Variants in LHFPL3 observed in about 807,000 individuals in gnomAD.
LHFPL3 encodes the protein LHFPL tetraspan subfamily member 3 protein.
LHFPL3 carries 5 observed loss-of-function variants against 19.3 expected under a neutral mutation model. The ratio of observed to expected loss-of-function variants is 0.26; its 90% CI spans 0.14 to 0.54. LHFPL3 has a LOEUF of 0.54. Ranked by LOEUF, LHFPL3 falls within the 20% of genes least tolerant of loss-of-function variation. The pLI, the probability that LHFPL3 is intolerant of heterozygous loss-of-function variation, is 0.94. For missense variants in LHFPL3, 249 were observed against 307.4 expected, an observed-to-expected ratio of 0.81 and a Z score of 1.42; for synonymous variants, 133 against 126.2, an observed-to-expected ratio of 1.05 and a Z score of -0.36.
intron 1 of LHFPL3, among the ~76,000 whole-genome samples, chr7:104,508,219 A>G (rs1367596647): frequency 6.6e-6 from 1 of 152,138 alleles, no homozygotes; most frequent in South Asian, 2.1e-4. Flanking sequence ...CAAATGTCCA[A>G]CAATGATAGA....
intron 1 of LHFPL3, among the ~76,000 whole-genome samples, chr7:104,518,605 G>A (rs944619913): frequency 6.6e-5 from 10 of 152,102 alleles, no homozygotes; most frequent in South Asian, 2.1e-4. Context: ...CCAACATGGC[G>A]AAACCCTGTC....
intron 2 of LHFPL3, among the ~76,000 whole-genome samples, chr7:104,810,580 G>T (rs1048047006): frequency 6.6e-6 from 1 of 152,174 alleles, no homozygotes; most frequent in African/African-American, 2.4e-5. Flanking sequence ...CGGGGATGTG[G>T]AGGGAAGTCA....
intron 2 of LHFPL3, among the ~76,000 whole-genome samples, chr7:104,858,433 A>G (rs1165499778): frequency 6.6e-6 from 1 of 152,048 alleles, no homozygotes; most frequent in African/African-American, 2.4e-5. Context: ...CTGGAGAAAG[A>G]CCCCAAACAT....
At chr7:104,662,705 G>A (rs984635547) in intron 1 of LHFPL3, among the ~76,000 whole-genome samples, 6 of 152,210 alleles carry the variant, frequency 3.9e-5, no homozygotes, top group Non-Finnish European at 5.9e-5. Flanking sequence ...TTTGGAGGTA[G>A]TTACTGTTGA....
At chr7:104,609,481 CT>C (rs1471535110) in intron 1 of LHFPL3, among the ~76,000 whole-genome samples, 9 of 152,120 alleles carry the variant, frequency 5.9e-5, no homozygotes, top group Admixed American at 4.6e-4. Flanking sequence ...GAAACATTTT[CT>C]TCTGTTTAAG....
intron 1 of LHFPL3, among the ~76,000 whole-genome samples, chr7:104,529,159 C>T (rs148133283): frequency 2.5e-3 from 387 of 152,244 alleles, no homozygotes; most frequent in Non-Finnish European, 3.8e-3. Flanking sequence ...ATCAAATGCC[C>T]ATCTCTGAAC....
chr7:104,648,047 G>C (rs1791963027), intron 1 of LHFPL3, among the ~76,000 whole-genome samples: 1 of 152,178 alleles, frequency 6.6e-6, no homozygotes, highest in African/African-American at 2.4e-5. Flanking sequence ...CCCCTAATGA[G>C]ATAACTGGAG....
intron 1 of LHFPL3, among the ~76,000 whole-genome samples, chr7:104,578,840 C>T (rs1790398650): frequency 6.6e-6 from 1 of 152,100 alleles, no homozygotes; most frequent in Non-Finnish European, 1.5e-5. Context: ...ATACAACTCA[C>T]TTGTATCGAG....
At chr7:104,812,941 T>A (rs1395116773) in intron 2 of LHFPL3, among the ~76,000 whole-genome samples, 1 of 151,010 alleles carries the variant, frequency 6.6e-6, no homozygotes, top group African/African-American at 2.4e-5. Context: ...GTGAAACCCC[T>A]TCTCTACTAA....
chr7:104,707,043 T>C (rs1793204129), intron 1 of LHFPL3, among the ~76,000 whole-genome samples: 1 of 152,212 alleles, frequency 6.6e-6, no homozygotes, highest in South Asian at 2.1e-4. Context: ...ATTCTAAATT[T>C]GACACCAAAC....
chr7:104,900,624 C>A (rs989028984), intron 2 of LHFPL3, among the ~76,000 whole-genome samples: 1 of 152,290 alleles, frequency 6.6e-6, no homozygotes, highest in South Asian at 2.1e-4. Flanking sequence ...GGGCTCCAGA[C>A]CCTAATTAAA....
chr7:104,489,573 C>G (rs1214071453), intron 1 of LHFPL3, among the ~76,000 whole-genome samples: 1 of 151,170 alleles, frequency 6.6e-6, no homozygotes, highest in African/African-American at 2.4e-5. Context: ...GTACTGGCTA[C>G]CAGAAAGGGA....
At chr7:104,335,508 A>T (rs1216386378) in intron 1 of LHFPL3, among the ~76,000 whole-genome samples, 1 of 152,234 alleles carries the variant, frequency 6.6e-6, no homozygotes, top group African/African-American at 2.4e-5. Context: ...GTGATGTCAA[A>T]ACAAACAGTT....
intron 1 of LHFPL3, among the ~76,000 whole-genome samples, chr7:104,407,204 C>T (rs1422648659): frequency 1.3e-5 from 2 of 152,180 alleles, no homozygotes; most frequent in African/African-American, 2.4e-5. Context: ...CTGCTAGGTT[C>T]TGTGGTTGGT....
chr7:104,814,129 T>G (rs1330525619), intron 2 of LHFPL3, among the ~76,000 whole-genome samples: 1 of 152,058 alleles, frequency 6.6e-6, no homozygotes, highest in East Asian at 1.9e-4. Flanking sequence ...TCCACAGCCA[T>G]GGTGTCCTGA....
intron 1 of LHFPL3, chr7:104,469,953 CTG>C (rs1792875093): frequency 2.2e-6 from 1 of 455,262 alleles, no homozygotes; most frequent in South Asian, 1.6e-5. Context: ...TCATAGAAAA[CTG>C]TACGGAAATA....
In LHFPL3 at chr7:104,738,737, T is replaced by C. The variant is rs539862949; in HGVS notation, c.682+1826T>C. ...GAATAATGCTCAACAGTTTTCAAAA[T>C]TGGTCTTTCCTTCTGGTTGATGCAT... On this transcript the variant is annotated intron_variant, in intron 2 of 2. Coordinates refer to ENST00000424859, the MANE Select transcript of LHFPL3 (RefSeq NM_199000.3). 8 of 152,282 alleles carry C rather than the reference T, an allele frequency of 5.3e-5. No individual in the cohort carries two copies. The South Asian group carries it at 1.4e-3, about 28-fold the overall frequency. The allele number at this position is 152,282 out of a possible 1,614,324, so 9.4% of individuals were successfully genotyped here.
At chr7:104,674,365 T>C (rs935464748) in intron 1 of LHFPL3, among the ~76,000 whole-genome samples, 3 of 150,556 alleles carry the variant, frequency 2.0e-5, no homozygotes, top group Admixed American at 1.3e-4. Context: ...TTTTTCTTTT[T>C]CTTTTTCTTT....
chr7:104,361,079 C>T (rs1035506796), intron 1 of LHFPL3, among the ~76,000 whole-genome samples: 6 of 152,224 alleles, frequency 3.9e-5, no homozygotes, highest in Non-Finnish European at 5.9e-5. Flanking sequence ...CAGCCATGCT[C>T]AGTCACTTGT....
Sources: gnomAD v4.1 joint callset for allele counts (sites outside exome capture counted in the v4.1 genomes callset) on GRCh38, gnomAD v4.1.1 for gene constraint, MANE v1.5 for transcripts, NCBI Gene and HGNC (gene_info 2026-07-23, HGNC 2026-07-21) for gene names.